The following TPPP variants were observed in gnomAD, a reference collection of about 807,000 sequenced individuals.
The protein encoded by TPPP is tubulin polymerization promoting protein, also known as tubulin polymerization-promoting protein.
Under a neutral mutation model 15.5 loss-of-function variants are expected in TPPP, and 6 were observed. The ratio of observed to expected loss-of-function variants is 0.39; its 90% CI spans 0.21 to 0.77. TPPP has a LOEUF of 0.77. Ranked by LOEUF, TPPP falls within the 30% of genes least tolerant of loss-of-function variation. The pLI is 0.42. For missense variants in TPPP, 269 were observed against 307.2 expected (o/e 0.88, Z 0.93); for synonymous variants, 146 against 133.9 (o/e 1.09, Z -0.63).
At chr5:687,960 C>A in intron 1 of TPPP, among the ~76,000 whole-genome samples, 1 of 78,468 alleles carries the variant, frequency 1.3e-5, no homozygotes, top group Non-Finnish European at 2.8e-5. Flanking sequence ...CACTCAGCTT[C>A]GTTAGTATGA....
chr5:685,628 G>A (rs988517695), intron 1 of TPPP, among the ~76,000 whole-genome samples: 1 of 152,234 alleles, frequency 6.6e-6, no homozygotes, highest in Non-Finnish European at 1.5e-5. Flanking sequence ...AAGAGAGATG[G>A]CTGCGGAGGA....
In TPPP at chr5:663,585, C is replaced by G. The variant is rs1739771982; in HGVS notation, c.*1517G>C. On this transcript the variant is annotated 3_prime_UTR_variant, in exon 4 of 4. Coordinates refer to ENST00000360578, the MANE Select transcript of TPPP (RefSeq NM_007030.3). The stretch of plus-strand genomic sequence containing the variant: ...CTGCTCTGCTCAGGTAGGGGGAGTC[C>G]TTCCACGGAGCTGTGGCCGCAGCAG... 6.6e-6 allele frequency: 1 copy of G among 152,460 alleles called. No homozygotes were observed. Among genetic ancestry groups the G allele is most frequent in the African/African-American group, 2.4e-5 (1 of 41,420 alleles). 9.4% of individuals were successfully genotyped at this position (152,460 alleles called of 1,614,324 possible).
chr5:694,269 TGGTGCTG>T (rs1182703801), upstream of TPPP, among the ~76,000 whole-genome samples: 1 of 151,422 alleles, frequency 6.6e-6, no homozygotes, highest in African/African-American at 2.4e-5. Flanking sequence ...GGCGGTTCTG[TGGTGCTG>T]GGTGCTGGGA....
At chr5:673,532 T>C (rs1740295110) in intron 2 of TPPP, among the ~76,000 whole-genome samples, 1 of 152,246 alleles carries the variant, frequency 6.6e-6, no homozygotes, top group African/African-American at 2.4e-5. Context: ...CCTGAGCTGC[T>C]GCCCGCAGGA....
chr5:671,397 GCCT>G (rs1463078179), intron 2 of TPPP, among the ~76,000 whole-genome samples: 1 of 152,066 alleles, frequency 6.6e-6, no homozygotes, highest in Non-Finnish European at 1.5e-5. Context: ...GGGCTCGGCT[GCCT>G]CCATCCACCC....
chr5:686,129 C>A (rs35696919), intron 1 of TPPP, among the ~76,000 whole-genome samples: 18,052 of 152,230 alleles, frequency 0.12, 1,378 homozygotes, highest in South Asian at 0.18. Flanking sequence ...TGGGCCAACA[C>A]CATTTCTCTA....
At chr5:670,991 G>T (rs1032469118) in intron 2 of TPPP, among the ~76,000 whole-genome samples, 1 of 152,194 alleles carries the variant, frequency 6.6e-6, no homozygotes. Context: ...ACTGGGCCAC[G>T]GCAGCTCAGG....
In TPPP at chr5:687,063, A is replaced by C. The variant is rs1308990881; in HGVS notation, c.-5+6215T>G. On this transcript the variant is annotated intron_variant, in intron 1 of 3. Transcript: ENST00000360578. ...GGTGCTGTTACAGCAACACACACGG[A>C]CTAACACAGTCGCCATGAGGCCGGG... Among the ~76,000 whole-genome samples the C allele has an allele frequency of 1.5e-4, 19 of 128,420 alleles. 2 individuals carry two copies. The highest frequency in any genetic ancestry group is 5.1e-4 in the African/African-American group (19 of 37,508). The allele number at this position is 128,420 out of a possible 152,430, so 84.2% of individuals were successfully genotyped here. A position where few individuals can be genotyped will look rare whatever the true frequency, so the allele number is the denominator to read the frequency against.
Position 692,470 on chromosome 5 carries a change from G to GC in TPPP, c.-5+807dup, listed in dbSNP as rs202039921. On this transcript the variant is annotated intron_variant, in intron 1 of 3. Coordinates refer to ENST00000360578, the MANE Select transcript of TPPP (RefSeq NM_007030.3). ...CCTCCCAACCCCTATCAAAACAGCA[G>GC]CCCCCCAAACCCCCATCAAGACAAC... 6 of 825,102 alleles carry GC rather than the reference G, an allele frequency of 7.3e-6. No homozygotes were observed. In the African/African-American group the frequency reaches 1.4e-4, roughly 20 times the overall value. The allele number at this position is 825,102 out of a possible 1,614,324, so 51.1% of individuals were successfully genotyped here.
In TPPP at chr5:665,030, T is replaced by G; in HGVS notation, c.*72A>C. The G allele has an allele frequency of 6.6e-7, 1 of 1,519,698 alleles. No individual in the cohort carries two copies. Among genetic ancestry groups the G allele is most frequent in the East Asian group, 2.3e-5 (1 of 44,252 alleles). 94.1% of individuals were successfully genotyped at this position (1,519,698 alleles called of 1,614,324 possible). On this transcript the variant is annotated 3_prime_UTR_variant, in exon 4 of 4. Transcript: ENST00000360578. ...AGTTCTGCCCCAGTTAGTACAGGAA[T>G]GTAATGAAGTGCGAGGTGACAGAGT...
chr5:693,529 G>T (rs190911831), upstream of TPPP: 7 of 151,438 alleles, frequency 4.6e-5, no homozygotes, highest in South Asian at 2.0e-4. Context: ...CGGGCGCACC[G>T]AGACCTCTGC....
Position 674,863 on chromosome 5 carries a change from G to A in TPPP, c.311+2887C>T, listed in dbSNP as rs184432737. Among the ~76,000 whole-genome samples the A allele has an allele frequency of 5.0e-3, 749 of 150,976 alleles. 17 individuals carry two copies. The highest frequency in any genetic ancestry group is 0.042 in the Admixed American group (648 of 15,262). On this transcript the variant is annotated intron_variant, in intron 2 of 3. Coordinates refer to ENST00000360578, the MANE Select transcript of TPPP (RefSeq NM_007030.3). ...ATGATGTGGGAGCTCCAGCGAGCCTGTGGGAGCTGCCCCTTGCCAAAGAGC... is the reference window on the plus strand; with the variant it reads ...ATGATGTGGGAGCTCCAGCGAGCCTATGGGAGCTGCCCCTTGCCAAAGAGC...
At chr5:674,023 G>A (rs910896919) in intron 2 of TPPP, among the ~76,000 whole-genome samples, 2 of 152,240 alleles carry the variant, frequency 1.3e-5, no homozygotes, top group African/African-American at 2.4e-5. Context: ...AATCACAGCC[G>A]GCACTGCACT....
chr5:674,403 C>T (rs1041643132), intron 2 of TPPP, among the ~76,000 whole-genome samples: 2 of 152,186 alleles, frequency 1.3e-5, no homozygotes, highest in African/African-American at 2.4e-5. Context: ...CCCTTGCCCA[C>T]GCAGGCTCTG....
upstream of TPPP, chr5:693,520 G>C (rs1740954966): frequency 1.3e-5 from 2 of 151,236 alleles, no homozygotes; most frequent in South Asian, 3.9e-4. Context: ...GGGGACGCGC[G>C]GGCGCACCGA....
intron 1 of TPPP, among the ~76,000 whole-genome samples, chr5:687,302 G>T (rs1402992823): frequency 1.5e-5 from 2 of 136,498 alleles, no homozygotes; most frequent in African/African-American, 5.4e-5. Context: ...TGACACAGCG[G>T]GTGGGACCAG....
chr5:672,696 C>G (rs1740265192), intron 2 of TPPP, among the ~76,000 whole-genome samples: 1 of 152,204 alleles, frequency 6.6e-6, no homozygotes. Flanking sequence ...CTGGGAGATT[C>G]GCTGTCCATG....
At chr5:670,232 T>C (rs1268615289) in intron 2 of TPPP, among the ~76,000 whole-genome samples, 1 of 152,080 alleles carries the variant, frequency 6.6e-6, no homozygotes, top group Non-Finnish European at 1.5e-5. Flanking sequence ...CTCGGGACTG[T>C]GCATCCAGCA....
chr5:682,742 C>T (rs1373481105), intron 1 of TPPP, among the ~76,000 whole-genome samples: 23 of 152,288 alleles, frequency 1.5e-4, no homozygotes, highest in Non-Finnish European at 2.2e-4. Context: ...TTGTTCACTG[C>T]CCACGCCCAC....
Sources: allele counts gnomAD v4.1 joint callset (sites outside exome capture counted in the v4.1 genomes callset), GRCh38; gene constraint gnomAD v4.1.1; transcripts MANE v1.5; gene names NCBI Gene and HGNC (gene_info 2026-07-23, HGNC 2026-07-21).